Variants in POF1B observed in about 807,000 individuals in gnomAD.
POF1B encodes protein POF1B.
In POF1B, 53 loss-of-function variants were observed where a neutral mutation model predicts 55.3. The ratio of observed to expected loss-of-function variants is 0.96; its 90% CI spans 0.77 to 1.20. POF1B has a LOEUF of 1.20. POF1B is among the 50% of genes most tolerant of loss of function. The pLI, the probability that POF1B is intolerant of heterozygous loss-of-function variation, is 0.00. For missense variants in POF1B, 478 were observed against 420.5 expected, an observed-to-expected ratio of 1.14 and a Z score of -1.20; for synonymous variants, 188 against 148.3, an observed-to-expected ratio of 1.27 and a Z score of -1.95.
intron 6 of POF1B, among the ~76,000 whole-genome samples, chrX:85,342,866 G>A (rs1357341549): frequency 9.0e-6 from 1 of 111,160 alleles, no homozygotes. Context: ...TTGTCCATGG[G>A]ATCTGCACAA....
At chrX:85,344,937 A>T (rs1042847765) in intron 6 of POF1B, among the ~76,000 whole-genome samples, 1 of 111,705 alleles carries the variant, frequency 9.0e-6, no homozygotes. Flanking sequence ...CTTAGATTGA[A>T]AAAACATGGA....
At chrX:85,365,067 G>A (rs1005889004) in intron 3 of POF1B, among the ~76,000 whole-genome samples, 2 of 111,131 alleles carry the variant, frequency 1.8e-5, no homozygotes, top group African/African-American at 3.3e-5. Context: ...TGATTGCATT[G>A]TGAAATTCTT....
At chrX:85,320,873 T>C (rs374368034) in intron 7 of POF1B, among the ~76,000 whole-genome samples, 23,300 of 108,741 alleles carry the variant, frequency 0.21, 2,473 homozygotes, top group African/African-American at 0.4. Flanking sequence ...ACACATACAC[T>C]CTCCCAAGAC....
intron 14 of POF1B, among the ~76,000 whole-genome samples, chrX:85,303,870 A>T (rs1260247417): frequency 9.0e-6 from 1 of 111,469 alleles, no homozygotes; most frequent in Admixed American, 9.6e-5. Flanking sequence ...TAGTTTCTTA[A>T]GAGAGAGTTT....
In POF1B at chrX:85,327,919, G is replaced by T. The variant is rs759580837; in HGVS notation, c.854+3030C>A. 7.2e-5 allele frequency among the ~76,000 whole-genome samples: 8 copies of T among 111,432 alleles called. 1 individual carries two copies. In the East Asian group the frequency reaches 2.3e-3, roughly 32 times the overall value. On this transcript the variant is annotated intron_variant, in intron 7 of 16. Transcript: ENST00000262753. ...CAGAATTTTAAAAAGTAACCAGAATGGTTTCATGTGACAAACTTCCTTAAT... is the reference window on the plus strand; with the variant it reads ...CAGAATTTTAAAAAGTAACCAGAATTGTTTCATGTGACAAACTTCCTTAAT...
At chrX:85,375,805 T>G (rs764745317) in intron 2 of POF1B, among the ~76,000 whole-genome samples, 3 of 111,948 alleles carry the variant, frequency 2.7e-5, no homozygotes, top group Non-Finnish European at 5.6e-5. Context: ...CAGAGGTCAT[T>G]CGTAAACACA....
At chrX:85,373,725 G>A (rs375182128) in intron 2 of POF1B, among the ~76,000 whole-genome samples, 1 of 111,268 alleles carries the variant, frequency 9.0e-6, no homozygotes, top group African/African-American at 3.3e-5. Context: ...AAGCTCACTA[G>A]GTAAGTTTTG....
chrX:85,306,412 AT>A, intron 11 of POF1B, 79 bp from the exon 12 acceptor site: 4 of 989,089 alleles, frequency 4.0e-6, no homozygotes, highest in South Asian at 2.3e-5. Context: ...GATTCATTCA[AT>A]TGAATCAAGT....
chrX:85,356,274 A>G lies in POF1B; in HGVS notation c.438+3276T>C, dbSNP rs761712836. ...AATTGAACAATGAGAACGCTTGGAC[A>G]CAAGAAGGGGGGCATCACACACTGG... is the stretch of plus-strand genomic sequence containing the variant. On this transcript the variant is annotated intron_variant, in intron 4 of 16. Transcript: ENST00000262753. Among the ~76,000 whole-genome samples, 13 of 101,846 alleles carry G rather than the reference A, an allele frequency of 1.3e-4. No homozygotes were observed. In the East Asian group the frequency reaches 4.5e-3, roughly 35 times the overall value. The allele number at this position is 101,846 out of a possible 115,157, so 88.4% of individuals were successfully genotyped here.
chrX:85,374,864 T>C (rs934894720), intron 2 of POF1B, among the ~76,000 whole-genome samples: 2 of 112,432 alleles, frequency 1.8e-5, no homozygotes, highest in African/African-American at 6.5e-5. Flanking sequence ...GATGTTATAC[T>C]CAACTTATAT....
At chrX:85,297,625 C>T (rs1376970338) in intron 15 of POF1B, among the ~76,000 whole-genome samples, 1 of 111,816 alleles carries the variant, frequency 8.9e-6, no homozygotes, top group Non-Finnish European at 1.9e-5. Flanking sequence ...GAGAGTATTA[C>T]TCTGCTCTGT....
In POF1B at chrX:85,379,408, G is replaced by C; in HGVS notation, c.47C>G (p.Thr16Ser). ...WSETSSSSCG[T>S]QQLPEVLQCQ... ...CTGCAGCACCTCTGGGAGCTGCTGG[G>C]TTCCACAGCTGCTGCTGCTCGTCTC... The change falls in exon 2 of 17, where the codon ACC becomes AGC. Residue 16 changes from threonine (T) to serine (S), a missense_variant. Coordinates refer to ENST00000262753, the MANE Select transcript of POF1B (RefSeq NM_024921.4). 8.3e-7 allele frequency: 1 copy of C among 1,209,660 alleles called. No homozygotes were observed.
At chrX:85,329,701 T>C (rs2147924312) in intron 7 of POF1B, among the ~76,000 whole-genome samples, 1 of 105,509 alleles carries the variant, frequency 9.5e-6, no homozygotes, top group South Asian at 4.5e-4. Context: ...TTTTGCTAAG[T>C]GGGAAGGGCA....
At chrX:85,322,230 C>T (rs1395146881) in intron 7 of POF1B, among the ~76,000 whole-genome samples, 21 of 110,518 alleles carry the variant, frequency 1.9e-4, no homozygotes, top group African/African-American at 3.6e-4. Context: ...AGCATGGTAC[C>T]GGTACCAAAA....
At chrX:85,327,366 T>C (rs1255021751) in intron 7 of POF1B, among the ~76,000 whole-genome samples, 1 of 111,910 alleles carries the variant, frequency 8.9e-6, no homozygotes, top group Non-Finnish European at 1.9e-5. Flanking sequence ...TGTTAACTCC[T>C]ACCTCTACCT....
intron 6 of POF1B, among the ~76,000 whole-genome samples, chrX:85,335,537 G>T (rs1419143118): frequency 9.1e-6 from 1 of 109,623 alleles, no homozygotes; most frequent in East Asian, 2.9e-4. Context: ...TAAATAATTG[G>T]TCTCCTTATT....
chrX:85,306,595 A>G (rs766386751), intron 11 of POF1B, among the ~76,000 whole-genome samples: 6 of 110,809 alleles, frequency 5.4e-5, no homozygotes, highest in Non-Finnish European at 1.1e-4. Flanking sequence ...GACTCTTGCT[A>G]CTCTGTGACA....
At chrX:85,300,960 G>C (rs1732050534) in intron 15 of POF1B, among the ~76,000 whole-genome samples, 1 of 111,800 alleles carries the variant, frequency 8.9e-6, no homozygotes, top group South Asian at 3.7e-4. Context: ...TGCAAAGAAG[G>C]TCCGTTGAGT....
chrX:85,320,867 A>G (rs947261402), intron 7 of POF1B, among the ~76,000 whole-genome samples: 2 of 110,754 alleles, frequency 1.8e-5, no homozygotes, highest in African/African-American at 6.6e-5. Flanking sequence ...TCCTCGACAC[A>G]TACACTCTCC....
Sources: allele counts gnomAD v4.1 joint callset (sites outside exome capture counted in the v4.1 genomes callset), GRCh38; gene constraint gnomAD v4.1.1; transcripts MANE v1.5; gene names NCBI Gene and HGNC (gene_info 2026-07-23, HGNC 2026-07-21).